The following TBC1D2 variants were observed in gnomAD, a reference collection of about 807,000 sequenced individuals.
TBC1D2 encodes TBC1 domain family member 2, also known as TBC1 domain family member 2A.
Under a neutral mutation model 91.1 loss-of-function variants are expected in TBC1D2, and 58 were observed. That is an observed-to-expected ratio of 0.64 (90% CI 0.52 to 0.79). TBC1D2 has a LOEUF of 0.79. Among genes scored for constraint, TBC1D2 ranks in the 30% least tolerant of loss-of-function variants. The probability of loss-of-function intolerance (pLI) is 0.00; values close to 1 mark genes in which losing one functional copy is unlikely to be tolerated. For synonymous variants in TBC1D2, 482 were observed against 511.5 expected, an observed-to-expected ratio of 0.94 and a Z score of 0.78; for missense variants, 1,080 against 1,208.3, an observed-to-expected ratio of 0.89 and a Z score of 1.57.
intron 6 of TBC1D2, among the ~76,000 whole-genome samples, chr9:98,217,809 C>A (rs571318700): frequency 6.6e-6 from 1 of 152,008 alleles, no homozygotes; most frequent in Non-Finnish European, 1.5e-5. Flanking sequence ...AACTCCTGGG[C>A]GGCTCAAGTA....
At chr9:98,239,321 G>C (rs140851338) in intron 3 of TBC1D2, among the ~76,000 whole-genome samples, 13 of 152,222 alleles carry the variant, frequency 8.5e-5, no homozygotes, top group African/African-American at 3.1e-4. Context: ...CCCAAGTTCC[G>C]GGTTTACAGG....
chr9:98,199,964 G>A (rs1220866733), intron 12 of TBC1D2, among the ~76,000 whole-genome samples: 2 of 152,158 alleles, frequency 1.3e-5, no homozygotes, highest in Admixed American at 1.3e-4. Context: ...GCCCAAAGGT[G>A]GGGTTGTCCT....
intron 3 of TBC1D2, chr9:98,235,606 T>A (rs765451555): frequency 3.8e-5 from 16 of 419,070 alleles, no homozygotes; most frequent in East Asian, 1.9e-4. Flanking sequence ...TCAGCTATAA[T>A]CCTAGAATTA....
At chr9:98,209,266 A>G (rs948449908) in intron 8 of TBC1D2, 122 bp from the exon 9 acceptor site, 4 of 890,484 alleles carry the variant, frequency 4.5e-6, no homozygotes, top group South Asian at 1.5e-5. Flanking sequence ...TTAACCACAC[A>G]GCTCTGGGCA....
rs1191064616 is a variant in TBC1D2, at chr9:98,199,204, A to G, written c.*177T>C. ...TGCCTATGAAGAAGTAGCCCAACCA[A>G]TGGCTTTGCAGCACACAATGTCCCA... On this transcript the variant is annotated 3_prime_UTR_variant, in exon 13 of 13. Transcript: ENST00000465784. 2 of 712,166 alleles carry G rather than the reference A, an allele frequency of 2.8e-6. No individual in the cohort carries two copies. The highest frequency in any genetic ancestry group is 4.7e-6 in the Non-Finnish European group (2 of 429,532). 44.1% of individuals were successfully genotyped at this position (712,166 alleles called of 1,614,324 possible).
chr9:98,229,131 A>C lies in TBC1D2; in HGVS notation c.799T>G (p.Ser267Ala). ...GAAGGCTTGGGTGCAGGCTTTGGAG[A>C]ATCCTCTGGCTCTCTCCCTGCTCAA... Reference protein sequence around the residue: ...ASTPGREPEDSPKPAPKPSLT... With the variant: ...ASTPGREPEDAPKPAPKPSLT... Residue 267 changes from serine to alanine, a missense_variant, in exon 5 of 13, where the codon TCT becomes GCT. Coordinates refer to ENST00000465784, the MANE Select transcript of TBC1D2 (RefSeq NM_001267571.2). 1 of 1,614,184 alleles carries C rather than the reference A, an allele frequency of 6.2e-7. No individual in the cohort carries two copies. The highest frequency in any genetic ancestry group is 1.1e-5 in the South Asian group (1 of 91,080).
At chr9:98,222,136 A>G (rs895443779) in intron 5 of TBC1D2, among the ~76,000 whole-genome samples, 8 of 152,238 alleles carry the variant, frequency 5.3e-5, no homozygotes, top group South Asian at 2.1e-4. Flanking sequence ...TTCAATCTCA[A>G]TTGGCTAGAT....
chr9:98,242,398 G>A (rs1387388820), intron 3 of TBC1D2, among the ~76,000 whole-genome samples: 2 of 146,364 alleles, frequency 1.4e-5, no homozygotes, highest in African/African-American at 2.5e-5. Flanking sequence ...CTGAGATCGC[G>A]CCACTGCTCT....
At chr9:98,205,823 A>G (rs1275535692) in intron 9 of TBC1D2, among the ~76,000 whole-genome samples, 1 of 152,082 alleles carries the variant, frequency 6.6e-6, no homozygotes, top group African/African-American at 2.4e-5. Flanking sequence ...CGGCCCCTCA[A>G]AATGCGGGAA....
Position 98,199,324 on chromosome 9 carries a change from TC to T in TBC1D2, c.*56del. The T allele has an allele frequency of 1.9e-6, 3 of 1,597,692 alleles. No individual in the cohort carries two copies. Among genetic ancestry groups the T allele is most frequent in the Non-Finnish European group, 1.7e-6 (2 of 1,168,288 alleles). ...CTGGGCCACTGGTCCGTGCCTGACC[TC>T]CAGTGGGTCTGCCAGCCAAGGGTGA... On this transcript the variant is annotated 3_prime_UTR_variant, in exon 13 of 13. Transcript: ENST00000465784.
chr9:98,233,579 A>G, intron 3 of TBC1D2, 30 bp from the exon 4 acceptor site: 5 of 1,611,138 alleles, frequency 3.1e-6, no homozygotes, highest in Non-Finnish European at 4.2e-6. Flanking sequence ...GAGGAGCATG[A>G]GGCTGAACCC....
At chr9:98,210,959 C>T (rs2119036214) in intron 7 of TBC1D2, 116 bp from the exon 8 acceptor site, 1 of 950,214 alleles carries the variant, frequency 1.1e-6, no homozygotes, top group Non-Finnish European at 1.6e-6. Context: ...TGCCCCACTC[C>T]CAACTCCCAG....
intron 2 of TBC1D2, 58 bp downstream of exon 2, chr9:98,251,727 T>C (rs1829876852): frequency 6.7e-7 from 1 of 1,495,352 alleles, no homozygotes. Context: ...AGCAGGAGGG[T>C]AAAGGCTTAA....
intron 10 of TBC1D2, among the ~76,000 whole-genome samples, chr9:98,202,170 G>A (rs933299017): frequency 1.9e-4 from 29 of 152,322 alleles, no homozygotes; most frequent in Admixed American, 1.9e-3. Flanking sequence ...GTGTGGGAAC[G>A]CATAATGTCC....
chr9:98,201,969 C>T (rs189260975), intron 10 of TBC1D2, among the ~76,000 whole-genome samples: 1 of 152,286 alleles, frequency 6.6e-6, no homozygotes, highest in Non-Finnish European at 1.5e-5. Flanking sequence ...TCCCTTGAGC[C>T]AAGCAGGAGG....
In TBC1D2 at chr9:98,255,365, C is replaced by A. The variant is rs1829952895; in HGVS notation, c.177G>T (p.Gly59=). 2 of 1,614,248 alleles carry A rather than the reference C, an allele frequency of 1.2e-6. No homozygotes were observed. The highest frequency in any genetic ancestry group is 2.7e-5 in the African/African-American group (2 of 75,062). The part of the protein sequence containing the change: ...CGYLSKFGGK[G]PIRGWKSRWF... Reference sequence around the variant, plus strand: ...AGCGGGATTTCCAGCCCCGGATGGGCCCTTTGCCGCCGAACTTACTTAAAT... The same window carrying A: ...AGCGGGATTTCCAGCCCCGGATGGGACCTTTGCCGCCGAACTTACTTAAAT... Residue 59 remains glycine (G), a synonymous_variant, in exon 1 of 13, where the codon GGG becomes GGT. Transcript: ENST00000465784.
chr9:98,218,588 A>T (rs1007833793), intron 6 of TBC1D2, among the ~76,000 whole-genome samples: 2 of 152,176 alleles, frequency 1.3e-5, no homozygotes, highest in Admixed American at 1.3e-4. Flanking sequence ...ATAAAAAAAA[A>T]TAAAATTCCT....
intron 3 of TBC1D2, among the ~76,000 whole-genome samples, chr9:98,237,437 A>G (rs1224511673): frequency 6.6e-6 from 1 of 151,544 alleles, no homozygotes; most frequent in Non-Finnish European, 1.5e-5. Context: ...ACCTTGCAAC[A>G]GCACCACTGT....
At position 98,251,875 on chromosome 9, in the gene TBC1D2, G is replaced by C. The variant is rs532016526; in HGVS notation, c.421C>G (p.Arg141Gly). The C allele has an allele frequency of 6.2e-7, 1 of 1,603,278 alleles. No individual in the cohort carries two copies. Among genetic ancestry groups the C allele is most frequent in the African/African-American group, 1.4e-5 (1 of 74,056 alleles). Residue 141 changes from arginine (R) to glycine (G), a missense_variant, in exon 2 of 13, where the codon CGC (arginine) becomes GGC (glycine). Physicochemically the swap from Arg to Gly is moderately radical, Grantham distance 125. Coordinates refer to ENST00000465784, the MANE Select transcript of TBC1D2 (RefSeq NM_001267571.2). ...GGCGGGCTGTTGTGGAATTCCCAGC[G>C]CTTCATCTGCAGCTGCTGCAGCCAG... The part of the protein sequence containing the change: ...LYWLQQLQMK[R>G]WEFHNSPPAP...
Sources: allele counts gnomAD v4.1 joint callset (sites outside exome capture counted in the v4.1 genomes callset), GRCh38; gene constraint gnomAD v4.1.1; transcripts MANE v1.5; gene names NCBI Gene and HGNC (gene_info 2026-07-23, HGNC 2026-07-21).